STRN4: variants seen among roughly 807,000 people sequenced by gnomAD.
STRN4 encodes the protein striatin 4.
In STRN4, 27 loss-of-function variants were observed where a neutral mutation model predicts 77.9. The observed-to-expected ratio is 0.35, with a 90% CI of 0.26 to 0.48. The LOEUF (loss-of-function observed/expected upper bound fraction) is 0.48. Ranked by LOEUF, STRN4 falls within the 20% of genes least tolerant of loss-of-function variation. The pLI is 0.99. For missense variants in STRN4, 798 were observed against 1,049.7 expected (o/e 0.76, Z 3.31); for synonymous variants, 466 against 443.1 (o/e 1.05, Z -0.65).
intron 9 of STRN4, among the ~76,000 whole-genome samples, chr19:46,726,900 C>A (rs1391844242): frequency 6.6e-6 from 1 of 152,138 alleles, no homozygotes; most frequent in Admixed American, 6.5e-5. Flanking sequence ...GCAGAGGGAC[C>A]CCATGGCACA....
intron 3 of STRN4, among the ~76,000 whole-genome samples, chr19:46,737,141 G>A (rs967161539): frequency 9.2e-5 from 14 of 152,176 alleles, no homozygotes; most frequent in Admixed American, 8.5e-4. Flanking sequence ...GACAAGATAA[G>A]GGTGTTATCT....
Position 46,725,616 on chromosome 19 carries a change from C to A in STRN4, c.1281G>T (p.Thr427=), listed in dbSNP as rs1386758171. 1.9e-6 allele frequency: 3 copies of A among 1,614,184 alleles called. No individual in the cohort carries two copies. The highest frequency in any genetic ancestry group is 1.1e-5 in the South Asian group (1 of 91,086). The change falls in exon 10 of 18, where the codon ACG becomes ACT. Residue 427 remains threonine (T), a synonymous_variant. Transcript: ENST00000263280. ...LSDSKDAFKK[T]WNPKFTLRSH... ...AGCGCAGGGTGAACTTGGGGTTCCA[C>A]GTCTTCTTAAAAGCATCTTTGCTGT...
intron 1 of STRN4, chr19:46,739,164 C>T (rs1051743165): frequency 2.5e-5 from 11 of 438,446 alleles, no homozygotes; most frequent in Non-Finnish European, 4.3e-5. Context: ...CTGGGCCTCA[C>T]CTGGTGGCTG....
At chr19:46,745,908 C>T (rs973740902) in intron 1 of STRN4, 3 of 380,160 alleles carry the variant, frequency 7.9e-6, no homozygotes, top group African/African-American at 6.4e-5. Context: ...GGTGATCCCT[C>T]CCACCCCCGG....
chr19:46,744,246 A>C (rs1443389525), intron 1 of STRN4, among the ~76,000 whole-genome samples: 1 of 152,146 alleles, frequency 6.6e-6, no homozygotes, highest in Non-Finnish European at 1.5e-5. Flanking sequence ...GTATGCTGGG[A>C]AAGAGCTTCG....
At position 46,722,064 on chromosome 19, in the gene STRN4, C is replaced by A. The variant is rs1013166253; in HGVS notation, c.2014G>T (p.Val672Leu). The change falls in exon 16 of 18, where the codon GTG (valine) becomes TTG (leucine). Residue 672 changes from valine to leucine, a missense_variant. Transcript: ENST00000263280. ...TCCAGGTGTGCAACCATGGAGTGCA[C>A]CGGCTTACCTGAGGCGAGAAGGGCG... is the stretch of plus-strand genomic sequence containing the variant. ...RFLDNRTGKP[V>L]HSMVAHLDAV... 27 of 1,612,834 alleles carry A rather than the reference C, an allele frequency of 1.7e-5. No homozygotes were observed. Among genetic ancestry groups the A allele is most frequent in the Non-Finnish European group, 2.2e-5 (26 of 1,180,026 alleles).
chr19:46,733,018 C>A lies in STRN4; in HGVS notation c.737+21G>T. ...AGTCAGGAGGAACAGAGAGACACAC[C>A]TGCCATGTCCACGGGCTCACCTCTT... On this transcript the variant is annotated intron_variant, in intron 5 of 17. Coordinates refer to ENST00000263280, the MANE Select transcript of STRN4 (RefSeq NM_013403.3). This position sits in a 1 kb window ranked among gnomAD's most constrained non-coding sequence, Gnocchi z 4.3. The A allele has an allele frequency of 6.3e-7, 1 of 1,597,558 alleles. No homozygotes were observed. The highest frequency in any genetic ancestry group is 1.1e-5 in the South Asian group (1 of 90,192).
chr19:46,724,140 C>T (rs529513066), intron 12 of STRN4, among the ~76,000 whole-genome samples: 16 of 150,936 alleles, frequency 1.1e-4, no homozygotes, highest in South Asian at 8.4e-4. Context: ...CCCAGCTACT[C>T]GGGAGGCTGA....
At chr19:46,725,809 C>A (rs1001748916) in intron 9 of STRN4, 161 bp from the exon 10 acceptor site, 13 of 888,688 alleles carry the variant, frequency 1.5e-5, no homozygotes, top group Non-Finnish European at 2.2e-5. Context: ...CCTTCCTCTG[C>A]TGGGCAGAGT....
intron 9 of STRN4, chr19:46,725,972 G>A (rs2054103566): frequency 1.0e-5 from 3 of 286,816 alleles, no homozygotes; most frequent in Non-Finnish European, 2.0e-5. Flanking sequence ...GCCATGAGCA[G>A]GGCAATGAAT....
At position 46,720,702 on chromosome 19, in the gene STRN4, C is replaced by T. The variant is rs1302731831; in HGVS notation, c.2162G>A (p.Arg721His). 2 of 1,610,644 alleles carry T rather than the reference C, an allele frequency of 1.2e-6. No homozygotes were observed. Among genetic ancestry groups the T allele is most frequent in the Non-Finnish European group, 8.5e-7 (1 of 1,178,194 alleles). Residue 721 changes from arginine to histidine, a missense_variant, in exon 17 of 18, where the codon CGC (arginine) becomes CAC (histidine). This residue lies in a region of STRN4 where 287 missense variants were observed against 473.8 expected (regional missense o/e 0.61). Transcript: ENST00000263280. ...KTCVQEITAHRKKHEEAIHAV... is the reference protein window; with the variant it reads ...KTCVQEITAHHKKHEEAIHAV... Reference sequence around the variant, plus strand: ...GTGGATGGCCTCCTCGTGCTTCTTGCGGTGGGCCGTGATCTCCTGCACGCA... The same window carrying T: ...GTGGATGGCCTCCTCGTGCTTCTTGTGGTGGGCCGTGATCTCCTGCACGCA...
rs1448590439 is a variant in STRN4 at position 46,728,852 on chromosome 19, A to C, written c.880-75T>G. On this transcript the variant is annotated intron_variant, in intron 6 of 17. Transcript: ENST00000263280. ...CTAAGCCACCTCCGTGCCTAGGAAC[A>C]GGTAAGCCGGGGCTCTGGGCCCGTT... 2.5e-6 allele frequency: 4 copies of C among 1,573,008 alleles called. No homozygotes were observed. The East Asian group carries it at 6.8e-5, about 27-fold the overall frequency.
At chr19:46,721,744 G>A (rs1599855689) in intron 16 of STRN4, 4 of 498,252 alleles carry the variant, frequency 8.0e-6, no homozygotes, top group Admixed American at 6.8e-5. Context: ...CTGTAAACTG[G>A]GGATCAAAGT....
Position 46,733,043 on chromosome 19 carries a change from T to C in STRN4, c.733A>G (p.Lys245Glu). Residue 245 changes from lysine to glutamate, a missense_variant, in exon 5 of 18, where the codon AAG (lysine) becomes GAG (glutamate). Lys to Glu is a moderately conservative substitution (Grantham distance 56). Around this residue, in one of 2 missense-constraint regions of STRN4, gnomAD observed 511 missense variants for 575.9 expected, o/e 0.89. Transcript: ENST00000263280. The surrounding 1 kb of genome is among the most constrained non-coding windows in gnomAD (Gnocchi z 4.3). The part of the protein sequence containing the change: ...LLVKQIEEQI[K>E]RNAAGKDGKE... The stretch of plus-strand genomic sequence containing the variant: ...CTGCCATGTCCACGGGCTCACCTCT[T>C]TATCTGCTCCTCGATCTGTTTCACC... The C allele has an allele frequency of 3.1e-6, 5 of 1,609,638 alleles. No individual in the cohort carries two copies. The highest frequency in any genetic ancestry group is 4.2e-6 in the Non-Finnish European group (5 of 1,176,552).
At chr19:46,736,720 C>A in intron 4 of STRN4, 103 bp downstream of exon 4, 1 of 1,189,752 alleles carries the variant, frequency 8.4e-7, no homozygotes, top group South Asian at 1.4e-5. Flanking sequence ...CCTGATAGTT[C>A]AGCATCCCCA....
chr19:46,722,116 G>C (rs2053991630), intron 15 of STRN4, 44 bp from the exon 16 acceptor site: 2 of 1,609,240 alleles, frequency 1.2e-6, no homozygotes, highest in South Asian at 2.2e-5. Context: ...CCCACTCTGG[G>C]CCTCGCCTGA....
chr19:46,733,306 A>T lies in STRN4; in HGVS notation c.540-70T>A. On this transcript the variant is annotated intron_variant, in intron 4 of 17. Coordinates refer to ENST00000263280, the MANE Select transcript of STRN4 (RefSeq NM_013403.3). This position sits in a 1 kb window ranked among gnomAD's most constrained non-coding sequence, Gnocchi z 4.3. ...CTTCATGTACCACAGGGGCCAATGC[A>T]AACCGAGACAACCTCTTAAGGGGCC... The T allele has an allele frequency of 6.7e-7, 1 of 1,486,188 alleles. No homozygotes were observed. Among genetic ancestry groups the T allele is most frequent in the Non-Finnish European group, 9.1e-7 (1 of 1,095,816 alleles). 92.1% of individuals were successfully genotyped at this position (1,486,188 alleles called of 1,614,324 possible). A position where few individuals can be genotyped will look rare whatever the true frequency, so the allele number is the denominator to read the frequency against.
intron 4 of STRN4, among the ~76,000 whole-genome samples, chr19:46,734,649 G>A (rs1416176753): frequency 6.6e-6 from 1 of 152,130 alleles, no homozygotes; most frequent in Non-Finnish European, 1.5e-5. Flanking sequence ...TAATTAATAT[G>A]GAGAGATGTT....
chr19:46,740,505 ACT>A (rs2054454536), intron 1 of STRN4, among the ~76,000 whole-genome samples: 1 of 151,272 alleles, frequency 6.6e-6, no homozygotes, highest in Non-Finnish European at 1.5e-5. Flanking sequence ...CCCCAAATCT[ACT>A]CTCTGAATCA....
Sources: allele counts gnomAD v4.1 joint callset (sites outside exome capture counted in the v4.1 genomes callset), GRCh38; gene constraint gnomAD v4.1.1; regional missense constraint gnomAD v4.1.1; non-coding constraint Gnocchi (gnomAD v3.1); transcripts MANE v1.5; gene names NCBI Gene and HGNC (gene_info 2026-07-23, HGNC 2026-07-21).